Variants in ANKRD26 observed in about 807,000 individuals in gnomAD.
ANKRD26 encodes ankyrin repeat domain-containing protein 26.
ANKRD26 carries 141 observed loss-of-function variants against 208.7 expected under a neutral mutation model. The ratio of observed to expected loss-of-function variants is 0.68; its 90% CI spans 0.59 to 0.78. The LOEUF is 0.78. Among genes scored for constraint, ANKRD26 ranks in the 30% least tolerant of loss-of-function variants. ANKRD26 has a pLI of 0.00. For synonymous variants in ANKRD26, 636 were observed against 660.4 expected, an observed-to-expected ratio of 0.96 and a Z score of 0.57; for missense variants, 1,889 against 1,938.7, an observed-to-expected ratio of 0.97 and a Z score of 0.48.
chr10:26,969,016 A>G (rs2052107569), downstream of ANKRD26, among the ~76,000 whole-genome samples: 1 of 152,202 alleles, frequency 6.6e-6, no homozygotes, highest in Admixed American at 6.5e-5. Context: ...ATTGGCTCCA[A>G]GAAGTTCCTT....
At chr10:27,082,703 GAGA>G in intron 6 of ANKRD26, 97 bp downstream of exon 6, 5 of 1,458,782 alleles carry the variant, frequency 3.4e-6, no homozygotes, top group Non-Finnish European at 4.6e-6. Context: ...CGACTATATG[GAGA>G]AGCACATAAT....
chr10:27,024,311 A>C, intron 28 of ANKRD26, 136 bp downstream of exon 28: 1 of 565,806 alleles, frequency 1.8e-6, no homozygotes, highest in Non-Finnish European at 3.1e-6. Context: ...CAACTTTCTA[A>C]AACCATTTTA....
At chr10:26,981,432 T>G (rs763876628) in intron 4 of ANKRD26, among the ~76,000 whole-genome samples, 2 of 152,208 alleles carry the variant, frequency 1.3e-5, no homozygotes, top group Non-Finnish European at 2.9e-5. Context: ...TTTTGATTAG[T>G]TAAGATGTCT....
intron 9 of ANKRD26, among the ~76,000 whole-genome samples, chr10:27,068,971 G>A (rs1033588686): frequency 6.6e-5 from 10 of 151,892 alleles, no homozygotes; most frequent in Admixed American, 1.3e-4. Context: ...AGAAGTGGGC[G>A]GATCATGATG....
At chr10:27,037,682 G>C (rs1475380625) in intron 22 of ANKRD26, among the ~76,000 whole-genome samples, 189 bp downstream of exon 22, 3 of 151,982 alleles carry the variant, frequency 2.0e-5, no homozygotes, top group Non-Finnish European at 4.4e-5. Flanking sequence ...CCTTCATTCA[G>C]AAAACAGAGA....
At chr10:27,008,279 T>C (rs1332534715) in intron 32 of ANKRD26, among the ~76,000 whole-genome samples, 1 of 151,950 alleles carries the variant, frequency 6.6e-6, no homozygotes, top group Non-Finnish European at 1.5e-5. Context: ...CTAACAGGTT[T>C]TCCAATATTT....
intron 15 of ANKRD26, among the ~76,000 whole-genome samples, chr10:27,055,377 T>C (rs144368813): frequency 5.9e-5 from 9 of 152,326 alleles, no homozygotes; most frequent in Admixed American, 4.6e-4. Context: ...TGAGTAACTT[T>C]AGATTTATAG....
chr10:27,054,440 C>T (rs1197236289), intron 15 of ANKRD26, among the ~76,000 whole-genome samples: 1 of 151,974 alleles, frequency 6.6e-6, no homozygotes. Context: ...TAAAAATGAG[C>T]TGGGCGTGGT....
At chr10:26,955,770 G>T in the ANKRD26 span, among the ~76,000 whole-genome samples, 9 of 152,168 alleles carry the variant, frequency 5.9e-5, no homozygotes, top group Non-Finnish European at 1.2e-4. Context: ...TGCAACAAGT[G>T]AGAACATTAA....
At chr10:26,959,215 T>A in the ANKRD26 span, among the ~76,000 whole-genome samples, 10 of 151,240 alleles carry the variant, frequency 6.6e-5, no homozygotes, top group African/African-American at 2.2e-4. Context: ...GAGGCGGAGG[T>A]TGCAGTGAGC....
intron 32 of ANKRD26, among the ~76,000 whole-genome samples, chr10:27,010,320 G>A (rs1012778970): frequency 2.0e-5 from 3 of 151,914 alleles, no homozygotes; most frequent in African/African-American, 7.3e-5. Context: ...ACACCTCCTT[G>A]CTCCCCAAAA....
chr10:27,080,573 A>G (rs1313426629), intron 6 of ANKRD26: 1 of 947,310 alleles, frequency 1.1e-6, no homozygotes, highest in African/African-American at 1.8e-5. Context: ...AATGCTGGAG[A>G]AAGAGTCCTG....
chr10:26,987,444 A>C (rs902549045), downstream of ANKRD26, among the ~76,000 whole-genome samples: 3 of 152,212 alleles, frequency 2.0e-5, no homozygotes, highest in African/African-American at 7.2e-5. Context: ...ACTTGAGGTG[A>C]TCTGGCTTGG....
intron 11 of ANKRD26, among the ~76,000 whole-genome samples, chr10:27,064,962 T>C (rs1013479431): frequency 3.3e-5 from 5 of 152,240 alleles, no homozygotes; most frequent in African/African-American, 7.2e-5. Context: ...ATGGTGATGA[T>C]GGTTACCCCG....
At chr10:27,018,413 T>C (rs2053377972) in intron 29 of ANKRD26, among the ~76,000 whole-genome samples, 1 of 151,732 alleles carries the variant, frequency 6.6e-6, no homozygotes, top group Non-Finnish European at 1.5e-5. Flanking sequence ...GGATTACAGG[T>C]GTGAGCCACT....
chr10:26,973,068 G>A (rs1295150480), downstream of ANKRD26, among the ~76,000 whole-genome samples: 3 of 152,036 alleles, frequency 2.0e-5, no homozygotes, highest in Non-Finnish European at 4.4e-5. Flanking sequence ...AGAATGTGTA[G>A]CCTTTCCTTG....
At chr10:27,003,151 A>C (rs1222056373), downstream of ANKRD26, among the ~76,000 whole-genome samples, 2 of 152,154 alleles carry the variant, frequency 1.3e-5, no homozygotes, top group Non-Finnish European at 2.9e-5. Context: ...ATGAGTACTT[A>C]ATATATATTC....
At chr10:27,043,661 C>T in intron 19 of ANKRD26, 94 bp from the exon 20 acceptor site, 1 of 1,272,808 alleles carries the variant, frequency 7.9e-7, no homozygotes, top group Non-Finnish European at 1.1e-6. Context: ...TGAGCAAAAA[C>T]ACAGGTATTT....
At chr10:26,963,902 G>GTTTTTTTTTTTTTTTTT in the ANKRD26 span, among the ~76,000 whole-genome samples, 6 of 66,976 alleles carry the variant, frequency 9.0e-5, 1 homozygote, top group East Asian at 9.7e-4. Flanking sequence ...ATGGTTGGTT[G>GTTTTTTTTTTTTTTTTT]GTTTTTTTTT....
Sources: allele counts gnomAD v4.1 joint callset (sites outside exome capture counted in the v4.1 genomes callset), GRCh38; gene constraint gnomAD v4.1.1; transcripts MANE v1.5; gene names NCBI Gene and HGNC (gene_info 2026-07-23, HGNC 2026-07-21).